Variants in CLDN14 observed in about 807,000 individuals in gnomAD.
CLDN14 encodes the protein claudin-14.
Under a neutral mutation model 2.1 loss-of-function variants are expected in CLDN14, and 2 were observed. The observed-to-expected ratio is 0.96, with a 90% CI of 0.39 to 3.01. The LOEUF (loss-of-function observed/expected upper bound fraction) is 3.01, where lower values mean the gene tolerates loss of function less well. Among genes scored for constraint, CLDN14 ranks in the 30% most tolerant of loss-of-function variants. The probability of loss-of-function intolerance (pLI) is 0.09; values close to 1 mark genes in which losing one functional copy is unlikely to be tolerated. For synonymous variants in CLDN14, 136 were observed against 154.4 expected, an observed-to-expected ratio of 0.88 and a Z score of 0.88; for missense variants, 298 against 328.0, an observed-to-expected ratio of 0.91 and a Z score of 0.71.
intron 1 of CLDN14, among the ~76,000 whole-genome samples, chr21:36,563,793 T>C (rs777749786): frequency 2.0e-5 from 3 of 152,212 alleles, no homozygotes; most frequent in Admixed American, 1.3e-4. Flanking sequence ...CAGCAATTTG[T>C]TGGGCAAGGT....
chr21:36,572,262 G>A (rs190107452), intron 1 of CLDN14, among the ~76,000 whole-genome samples: 5 of 152,254 alleles, frequency 3.3e-5, no homozygotes, highest in Admixed American at 3.3e-4. Flanking sequence ...CAGGGGGCTT[G>A]TGTGGGTTGT....
intron 1 of CLDN14, among the ~76,000 whole-genome samples, chr21:36,557,401 T>C (rs1292152857): frequency 3.9e-5 from 6 of 152,166 alleles, no homozygotes; most frequent in African/African-American, 1.2e-4. Context: ...ACATTTTACA[T>C]TTCCACCAAG....
At chr21:36,529,078 A>G (rs1388156597) in intron 1 of CLDN14, among the ~76,000 whole-genome samples, 1 of 152,208 alleles carries the variant, frequency 6.6e-6, no homozygotes, top group Non-Finnish European at 1.5e-5. Context: ...CTTCCTCACT[A>G]GAATTACAAA....
chr21:36,523,777 A>AGAGAGAGAGAG (rs2087294888), intron 1 of CLDN14, among the ~76,000 whole-genome samples: 1 of 68,892 alleles, frequency 1.5e-5, no homozygotes, highest in Non-Finnish European at 2.8e-5. Context: ...GAAAGAGAGA[A>AGAGAGAGAGAG]AGAGAGAAAG....
chr21:36,462,596 C>T (rs1223698130), intron 1 of CLDN14, among the ~76,000 whole-genome samples: 2 of 152,064 alleles, frequency 1.3e-5, no homozygotes, highest in East Asian at 1.9e-4. Context: ...GATACTTTTT[C>T]GGGACAAGGA....
chr21:36,490,949 GACACACAC>G (rs3030068), intron 2 of CLDN14, among the ~76,000 whole-genome samples: 2,573 of 148,794 alleles, frequency 0.017, 30 homozygotes, highest in African/African-American at 0.034. Context: ...CAAGTGCACA[GACACACAC>G]ACACACACAC....
intron 1 of CLDN14, among the ~76,000 whole-genome samples, chr21:36,520,008 T>C (rs2087258380): frequency 6.6e-6 from 1 of 152,106 alleles, no homozygotes; most frequent in Non-Finnish European, 1.5e-5. Flanking sequence ...AGTAATGTAT[T>C]CTCTCACAGC....
Position 36,551,123 on chromosome 21 carries a change from C to T in CLDN14, c.-220+25288G>A, listed in dbSNP as rs979216741. Among the ~76,000 whole-genome samples, 7 of 152,222 alleles carry T rather than the reference C, an allele frequency of 4.6e-5. No individual in the cohort carries two copies. Among genetic ancestry groups the T allele is most frequent in the African/African-American group, 1.7e-4 (7 of 41,456 alleles). Reference sequence around the variant, plus strand: ...GCACGGAACAGACTCCCCTTGGAGCCTCCAGAAGGAACCAGCCCTTCCTAC... The same window carrying T: ...GCACGGAACAGACTCCCCTTGGAGCTTCCAGAAGGAACCAGCCCTTCCTAC... On this transcript the variant is annotated intron_variant, in intron 1 of 2. Transcript: ENST00000342108. The surrounding 1 kb of genome is among the most constrained non-coding windows in gnomAD (Gnocchi z 4.8).
At chr21:36,546,426 A>G (rs932775393) in intron 1 of CLDN14, among the ~76,000 whole-genome samples, 7 of 152,028 alleles carry the variant, frequency 4.6e-5, no homozygotes, top group African/African-American at 9.7e-5. Context: ...ATCACTAGAC[A>G]CTGTGATACT....
chr21:36,490,977 C>G (rs1160039576), intron 2 of CLDN14, among the ~76,000 whole-genome samples: 1 of 151,976 alleles, frequency 6.6e-6, no homozygotes, highest in East Asian at 1.9e-4. Flanking sequence ...CACACACACA[C>G]ACACACACAC....
At position 36,490,385 on chromosome 21, in the gene CLDN14, A is replaced by ATTTTTTTTTTTTTTTT. The variant is rs71198817; in HGVS notation, c.-82+19962_-82+19977dup. Reference sequence around the variant, plus strand: ...TGTCTGCTAGTTCAATTTTTTTTTAATTTTTTTTTTTTTTTTTTTTTGTGA... The same window carrying ATTTTTTTTTTTTTTTT: ...TGTCTGCTAGTTCAATTTTTTTTTAATTTTTTTTTTTTTTTTTTTTTTTTTTTTTTTTTTTTTGTGA... On this transcript the variant is annotated intron_variant, in intron 2 of 2. Coordinates refer to the CLDN14 transcript ENST00000342108. Among the ~76,000 whole-genome samples the ATTTTTTTTTTTTTTTT allele has an allele frequency of 7.8e-5, 8 of 102,080 alleles. 1 individual carries two copies. The East Asian group carries it at 9.7e-4, about 12-fold the overall frequency. 67.0% of individuals were successfully genotyped at this position (102,080 alleles called of 152,430 possible).
chr21:36,557,944 T>G (rs781284075), intron 1 of CLDN14, among the ~76,000 whole-genome samples: 3 of 152,212 alleles, frequency 2.0e-5, no homozygotes, highest in Non-Finnish European at 2.9e-5. Flanking sequence ...TATTTTGAGT[T>G]GATTTGTGTG....
At chr21:36,550,751 T>G (rs567579389) in intron 1 of CLDN14, among the ~76,000 whole-genome samples, 22 of 152,290 alleles carry the variant, frequency 1.4e-4, no homozygotes, top group African/African-American at 4.8e-4. Context: ...ATTCTCTATC[T>G]GCTCACTGTC....
intron 1 of CLDN14, among the ~76,000 whole-genome samples, chr21:36,517,115 C>T (rs1168534291): frequency 2.6e-5 from 4 of 152,226 alleles, no homozygotes; most frequent in African/African-American, 2.4e-5. Context: ...TCTGGGATTA[C>T]AGGCATGAGC....
intron 1 of CLDN14, among the ~76,000 whole-genome samples, chr21:36,563,846 C>G (rs983386501): frequency 2.0e-5 from 3 of 152,134 alleles, no homozygotes; most frequent in Non-Finnish European, 4.4e-5. Context: ...AGCAGTGAAA[C>G]TAATAATCCT....
At chr21:36,545,737 C>A (rs73380007) in intron 1 of CLDN14, among the ~76,000 whole-genome samples, 17,315 of 152,176 alleles carry the variant, frequency 0.11, 2,039 homozygotes, top group African/African-American at 0.3. Context: ...TCTGTGTGTA[C>A]TTTATTGTGA....
In CLDN14 at chr21:36,553,598, T is replaced by A. The variant is rs1372040809; in HGVS notation, c.-220+22813A>T. On this transcript the variant is annotated intron_variant, in intron 1 of 2. Transcript: ENST00000342108. Reference sequence around the variant, plus strand: ...GGAGACTCCTTAGGAAGGGAGGTGGTTGGGTGGGATGCCCCACACTTCGTG... The same window carrying A: ...GGAGACTCCTTAGGAAGGGAGGTGGATGGGTGGGATGCCCCACACTTCGTG... Among the ~76,000 whole-genome samples, 83 of 151,906 alleles carry A rather than the reference T, an allele frequency of 5.5e-4. 1 individual carries two copies. Among genetic ancestry groups the A allele is most frequent in the Admixed American group, 5.2e-3 (80 of 15,258 alleles).
rs771114301 is a variant in CLDN14, at chr21:36,486,228, C to A, written c.-82+24135G>T. The A allele has an allele frequency of 3.2e-5, 28 of 881,446 alleles. No individual in the cohort carries two copies. In the East Asian group the frequency reaches 6.5e-4, roughly 20 times the overall value. The allele number at this position is 881,446 out of a possible 1,614,324, so 54.6% of individuals were successfully genotyped here. Reference sequence around the variant, plus strand: ...GATTCCGCCTGGCCAAACTCTGCTCCTGCAGGGACATCTTCATGACATAAG... The same window carrying A: ...GATTCCGCCTGGCCAAACTCTGCTCATGCAGGGACATCTTCATGACATAAG... On this transcript the variant is annotated intron_variant, in intron 2 of 2. Transcript: ENST00000342108.
Position 36,511,903 on chromosome 21 carries a change from T to A in CLDN14, c.-219-1403A>T, listed in dbSNP as rs536745894. On this transcript the variant is annotated intron_variant, in intron 1 of 2. Transcript: ENST00000342108. ...CACCAAAGGGTCTAGAATAGGTTTA[T>A]TTGTAATCTATTTTATGTAGCTGTG... Among the ~76,000 whole-genome samples the A allele has an allele frequency of 5.9e-5, 9 of 152,314 alleles. No individual in the cohort carries two copies. The East Asian group carries it at 1.7e-3, about 29-fold the overall frequency.
Sources: gnomAD v4.1 joint callset for allele counts (sites outside exome capture counted in the v4.1 genomes callset) on GRCh38, gnomAD v4.1.1 for gene constraint, Gnocchi (gnomAD v3.1) non-coding constraint, MANE v1.5 for transcripts, NCBI Gene and HGNC (gene_info 2026-07-23, HGNC 2026-07-21) for gene names.